TMEM45A: variants seen among roughly 807,000 people sequenced by gnomAD.
The protein encoded by TMEM45A is transmembrane protein 45A, also known as DNA polymerase-transactivated protein 4.
Under a neutral mutation model 32.0 loss-of-function variants are expected in TMEM45A, and 25 were observed. That is an observed-to-expected ratio of 0.78 (90% CI 0.57 to 1.09). The LOEUF is 1.09. TMEM45A is among the 50% of genes least tolerant of loss of function. The pLI, the probability that TMEM45A is intolerant of heterozygous loss-of-function variation, is 0.00. For missense variants in TMEM45A, 302 were observed against 325.0 expected (o/e 0.93, Z 0.54); for synonymous variants, 122 against 114.8 (o/e 1.06, Z -0.40).
intron 5 of TMEM45A, among the ~76,000 whole-genome samples, chr3:100,574,852 A>G (rs1240988483): frequency 2.0e-5 from 3 of 152,198 alleles, no homozygotes; most frequent in South Asian, 2.1e-4. Flanking sequence ...ATCATGTTTT[A>G]TATACTTTTC....
Position 100,556,824 on chromosome 3 carries a change from T to C in TMEM45A, c.255T>C (p.Gly85=). ...TGATGTTATATGACTATAAACAAGG[T>C]CACTGGAATCAACTCCTGGGCTGGC... is the stretch of plus-strand genomic sequence containing the variant. The part of the protein sequence containing the change: ...PHLMLYDYKQ[G]HWNQLLGWHH... Residue 85 remains glycine (G), a synonymous_variant, in exon 3 of 6, where the codon GGT becomes GGC. Transcript: ENST00000323523. The C allele has an allele frequency of 6.2e-7, 1 of 1,614,142 alleles. No individual in the cohort carries two copies. Among genetic ancestry groups the C allele is most frequent in the African/African-American group, 1.3e-5 (1 of 75,042 alleles).
At chr3:100,573,281 C>T (rs1247008470) in intron 5 of TMEM45A, 3 of 151,522 alleles carry the variant, frequency 2.0e-5, no homozygotes, top group African/African-American at 7.3e-5. Flanking sequence ...TTTCCTTGAG[C>T]AGTGGTTTGT....
chr3:100,511,984 G>C (rs1009448874), intron 1 of TMEM45A, among the ~76,000 whole-genome samples: 2 of 151,992 alleles, frequency 1.3e-5, no homozygotes, highest in African/African-American at 2.4e-5. Flanking sequence ...CAAATCCTGA[G>C]TGACCTACAA....
chr3:100,533,164 C>G (rs1017169508), intron 1 of TMEM45A, among the ~76,000 whole-genome samples: 7 of 151,978 alleles, frequency 4.6e-5, no homozygotes, highest in Non-Finnish European at 1.0e-4. Flanking sequence ...CGAGGTCAAC[C>G]AAGCTTAGGC....
At chr3:100,527,096 C>T (rs1705558577) in intron 1 of TMEM45A, among the ~76,000 whole-genome samples, 1 of 152,108 alleles carries the variant, frequency 6.6e-6, no homozygotes, top group Non-Finnish European at 1.5e-5. Context: ...AAGAGACCGC[C>T]TTTCTTTCTA....
Position 100,550,217 on chromosome 3 carries a change from AT to A in TMEM45A, c.-3-4991del, listed in dbSNP as rs61036648. On this transcript the variant is annotated intron_variant, in intron 1 of 5. Coordinates refer to ENST00000323523, the MANE Select transcript of TMEM45A (RefSeq NM_018004.3). The stretch of plus-strand genomic sequence containing the variant: ...TAATAAAAAAAAAAAAGAAAAAAAA[AT>A]AAATCCTTAATAGAAGAGAATTGAG... 8.3e-3 allele frequency among the ~76,000 whole-genome samples: 440 copies of A among 52,714 alleles called. 1 individual carries two copies. The highest frequency in any genetic ancestry group is 0.013 in the Middle Eastern group (1 of 80). The allele number at this position is 52,714 out of a possible 152,430, so 34.6% of individuals were successfully genotyped here. A position where few individuals can be genotyped will look rare whatever the true frequency, so the allele number is the denominator to read the frequency against.
At chr3:100,522,724 C>T (rs1705459202) in intron 1 of TMEM45A, among the ~76,000 whole-genome samples, 1 of 152,204 alleles carries the variant, frequency 6.6e-6, no homozygotes, top group Non-Finnish European at 1.5e-5. Context: ...ATTTGTGTTT[C>T]CCTCTGGCAC....
chr3:100,526,487 A>T (rs2148952429), intron 1 of TMEM45A, among the ~76,000 whole-genome samples: 1 of 151,704 alleles, frequency 6.6e-6, no homozygotes, highest in African/African-American at 2.4e-5. Context: ...ACTAGCTTCA[A>T]ATCCCAGCTC....
At chr3:100,559,561 C>A (rs1706288646) in intron 4 of TMEM45A, among the ~76,000 whole-genome samples, 1 of 152,062 alleles carries the variant, frequency 6.6e-6, no homozygotes, top group Non-Finnish European at 1.5e-5. Context: ...AAAAAGCTAA[C>A]AAATACTCTA....
At chr3:100,548,506 A>G (rs190480795) in intron 1 of TMEM45A, among the ~76,000 whole-genome samples, 1 of 152,236 alleles carries the variant, frequency 6.6e-6, no homozygotes, top group East Asian at 1.9e-4. Flanking sequence ...CACTGTTGAG[A>G]AGCTTCCTTT....
intron 1 of TMEM45A, among the ~76,000 whole-genome samples, chr3:100,511,589 C>G (rs1302256450): frequency 6.6e-6 from 1 of 151,516 alleles, no homozygotes; most frequent in Non-Finnish European, 1.5e-5. Context: ...AACCAGCTAA[C>G]ATCATAATGA....
intron 1 of TMEM45A, 67 bp downstream of exon 1, chr3:100,492,995 C>T (rs1040007851): frequency 6.6e-6 from 1 of 152,104 alleles, no homozygotes; most frequent in African/African-American, 2.4e-5. Context: ...TGTCTTTTTA[C>T]TGTTCTCACC....
intron 1 of TMEM45A, among the ~76,000 whole-genome samples, chr3:100,506,105 A>G (rs2148931016): frequency 6.6e-6 from 1 of 152,252 alleles, no homozygotes; most frequent in African/African-American, 2.4e-5. Context: ...GGGGGAAGAG[A>G]ACAGAGCCTG....
At chr3:100,539,136 C>T (rs761884043) in intron 1 of TMEM45A, among the ~76,000 whole-genome samples, 9 of 152,188 alleles carry the variant, frequency 5.9e-5, no homozygotes, top group East Asian at 5.8e-4. Flanking sequence ...ACCCAGAATA[C>T]GCCAACATGA....
Position 100,492,886 on chromosome 3 carries a change from CA to C in TMEM45A, c.-43del, listed in dbSNP as rs1276842165. ...CAGCCGCTGTCTGATTTTAAGCTGG[CA>C]AAGTGGGAAAAATAAAGTGTTGAGT... On this transcript the variant is annotated 5_prime_UTR_variant, in exon 1 of 6. Transcript: ENST00000323523. 1 of 151,980 alleles carries C rather than the reference CA, an allele frequency of 6.6e-6. No individual in the cohort carries two copies. Among genetic ancestry groups the C allele is most frequent in the Admixed American group, 6.6e-5 (1 of 15,260 alleles). The allele number at this position is 151,980 out of a possible 1,614,324, so 9.4% of individuals were successfully genotyped here.
intron 4 of TMEM45A, among the ~76,000 whole-genome samples, chr3:100,561,685 G>T (rs955788062): frequency 6.6e-6 from 1 of 152,118 alleles, no homozygotes; most frequent in Non-Finnish European, 1.5e-5. Context: ...TATTTCAAAA[G>T]CTCCCTTTGC....
chr3:100,510,479 C>T (rs1708141957), intron 1 of TMEM45A, among the ~76,000 whole-genome samples: 1 of 152,178 alleles, frequency 6.6e-6, no homozygotes, highest in Admixed American at 6.5e-5. Flanking sequence ...ACATCACCAT[C>T]ATCAAAGACC....
At chr3:100,520,780 A>G (rs1056852021) in intron 1 of TMEM45A, among the ~76,000 whole-genome samples, 3 of 152,184 alleles carry the variant, frequency 2.0e-5, no homozygotes, top group Non-Finnish European at 4.4e-5. Context: ...CTGACCCAAC[A>G]TAGTGAAAGG....
chr3:100,511,633 T>G (rs1035332403), intron 1 of TMEM45A, among the ~76,000 whole-genome samples: 6 of 151,058 alleles, frequency 4.0e-5, no homozygotes, highest in Non-Finnish European at 8.9e-5. Context: ...ATATTAACTT[T>G]AAATGTAAAT....
Sources: allele counts gnomAD v4.1 joint callset (sites outside exome capture counted in the v4.1 genomes callset), GRCh38; gene constraint gnomAD v4.1.1; transcripts MANE v1.5; gene names NCBI Gene and HGNC (gene_info 2026-07-23, HGNC 2026-07-21).